The following ADAM10 variants were observed in gnomAD, a reference collection of about 807,000 sequenced individuals.
ADAM10 encodes the protein disintegrin and metalloproteinase domain-containing protein 10.
ADAM10 carries 17 observed loss-of-function variants against 90.1 expected under a neutral mutation model. The ratio of observed to expected loss-of-function variants is 0.19; its 90% CI spans 0.13 to 0.28. The LOEUF (loss-of-function observed/expected upper bound fraction) is 0.28. ADAM10 is among the 10% of genes least tolerant of loss of function. ADAM10 has a pLI of 1.00. For missense variants in ADAM10, 610 were observed against 914.3 expected, an observed-to-expected ratio of 0.67 and a Z score of 4.29; for synonymous variants, 310 against 298.6, an observed-to-expected ratio of 1.04 and a Z score of -0.40.
In ADAM10 at chr15:58,595,377, AGT is replaced by A. The variant is rs1894924124; in HGVS notation, c.*2168_*2169del. The A allele has an allele frequency of 6.6e-6, 1 of 152,190 alleles. No individual in the cohort carries two copies. The highest frequency in any genetic ancestry group is 1.5e-5 in the Non-Finnish European group (1 of 67,996). 9.4% of individuals were successfully genotyped at this position (152,190 alleles called of 1,614,324 possible). A position where few individuals can be genotyped will look rare whatever the true frequency, so the allele number is the denominator to read the frequency against. ...TTGTGATAGTTCTCAGAGTTCAAAG[AGT>A]ATAGAACCTTCAAGTTGATTTAATC... On this transcript the variant is annotated 3_prime_UTR_variant, in exon 16 of 16. Coordinates refer to ENST00000260408, the MANE Select transcript of ADAM10 (RefSeq NM_001110.4).
chr15:58,664,250 T>C (rs1332981846), intron 5 of ADAM10, among the ~76,000 whole-genome samples: 1 of 152,108 alleles, frequency 6.6e-6, no homozygotes, highest in African/African-American at 2.4e-5. Context: ...TATCATCCTA[T>C]ACTTAACCCT....
intron 11 of ADAM10, among the ~76,000 whole-genome samples, chr15:58,616,054 T>C (rs1332587087): frequency 6.6e-6 from 1 of 152,050 alleles, no homozygotes; most frequent in Admixed American, 6.6e-5. Context: ...TATATAGTGA[T>C]AAAATGTTCC....
At chr15:58,686,842 T>C (rs1260562473) in intron 2 of ADAM10, among the ~76,000 whole-genome samples, 2 of 152,186 alleles carry the variant, frequency 1.3e-5, no homozygotes, top group Non-Finnish European at 2.9e-5. Context: ...TGTTTTTTTG[T>C]GCAAGTACTT....
At chr15:58,722,868 G>A (rs1421511751) in intron 1 of ADAM10, among the ~76,000 whole-genome samples, 2 of 151,352 alleles carry the variant, frequency 1.3e-5, no homozygotes, top group African/African-American at 4.9e-5. Context: ...AGTAGCTCAG[G>A]CTACAGGCAC....
chr15:58,626,997 G>C (rs899760438), intron 10 of ADAM10, among the ~76,000 whole-genome samples: 1 of 152,068 alleles, frequency 6.6e-6, no homozygotes, highest in Admixed American at 6.6e-5. Context: ...ACTAAAATAA[G>C]AAATAATTTC....
intron 9 of ADAM10, among the ~76,000 whole-genome samples, chr15:58,631,310 G>A (rs2140671903): frequency 6.6e-6 from 1 of 152,296 alleles, no homozygotes; most frequent in South Asian, 2.1e-4. Context: ...ACAGATGGCA[G>A]AATTAACAAC....
chr15:58,729,166 T>C (rs977404518), intron 1 of ADAM10, among the ~76,000 whole-genome samples: 2 of 152,012 alleles, frequency 1.3e-5, no homozygotes, highest in Admixed American at 1.3e-4. Context: ...GAAACCAGCC[T>C]GGGCAACATA....
intron 2 of ADAM10, among the ~76,000 whole-genome samples, chr15:58,702,285 T>C (rs1350847886): frequency 5.3e-5 from 8 of 152,086 alleles, no homozygotes; most frequent in African/African-American, 1.7e-4. Context: ...TAGATACCAG[T>C]GGCTAGCAAG....
intron 8 of ADAM10, among the ~76,000 whole-genome samples, chr15:58,639,273 T>A (rs1180063462): frequency 6.6e-6 from 1 of 152,228 alleles, no homozygotes; most frequent in African/African-American, 2.4e-5. Flanking sequence ...GTAGTGCCTA[T>A]GAACTTATAT....
At chr15:58,721,639 C>A (rs1299548743) in intron 1 of ADAM10, among the ~76,000 whole-genome samples, 1 of 152,130 alleles carries the variant, frequency 6.6e-6, no homozygotes, top group Non-Finnish European at 1.5e-5. Flanking sequence ...AATCCCAATA[C>A]TTTGAGAGGC....
chr15:58,721,357 T>A (rs1252586658), intron 1 of ADAM10, among the ~76,000 whole-genome samples: 3 of 152,242 alleles, frequency 2.0e-5, no homozygotes, highest in African/African-American at 7.2e-5. Context: ...CTCATTATCA[T>A]CTTCTATATA....
At chr15:58,613,264 T>C (rs1189330206) in intron 11 of ADAM10, among the ~76,000 whole-genome samples, 2 of 152,144 alleles carry the variant, frequency 1.3e-5, no homozygotes, top group Non-Finnish European at 2.9e-5. Flanking sequence ...CACCACACCC[T>C]TCCCGACCAG....
intron 1 of ADAM10, 70 bp downstream of exon 1, chr15:58,749,410 G>A (rs1170979194): frequency 1.5e-5 from 21 of 1,429,796 alleles, no homozygotes; most frequent in Admixed American, 5.2e-5. Flanking sequence ...AGGCGCGACT[G>A]GGCTCCGCTC....
chr15:58,671,524 C>G (rs1037697796), intron 4 of ADAM10, among the ~76,000 whole-genome samples: 2 of 152,188 alleles, frequency 1.3e-5, no homozygotes, highest in Non-Finnish European at 2.9e-5. Flanking sequence ...GACATACACG[C>G]ACACATACTC....
At chr15:58,607,812 A>G (rs2140995048) in intron 14 of ADAM10, among the ~76,000 whole-genome samples, 1 of 152,354 alleles carries the variant, frequency 6.6e-6, no homozygotes, top group African/African-American at 2.4e-5. Flanking sequence ...AGTCAAGGTA[A>G]GAGGTAGTTT....
At chr15:58,710,581 T>A (rs576017287) in intron 2 of ADAM10, among the ~76,000 whole-genome samples, 3 of 152,262 alleles carry the variant, frequency 2.0e-5, no homozygotes, top group African/African-American at 7.2e-5. Context: ...AATACTGAGA[T>A]AAAAAGCAAT....
intron 2 of ADAM10, among the ~76,000 whole-genome samples, chr15:58,686,167 G>A (rs1424324146): frequency 6.6e-6 from 1 of 152,142 alleles, no homozygotes; most frequent in African/African-American, 2.4e-5. Context: ...CTCCACAAAG[G>A]TGGGCCCAAA....
intron 5 of ADAM10, among the ~76,000 whole-genome samples, chr15:58,656,156 T>C (rs1896824038): frequency 6.6e-6 from 1 of 152,214 alleles, no homozygotes; most frequent in Admixed American, 6.5e-5. Context: ...TCCGCTGGGA[T>C]GGAATATCTT....
chr15:58,705,427 T>C (rs1362843413), intron 2 of ADAM10, among the ~76,000 whole-genome samples: 1 of 152,150 alleles, frequency 6.6e-6, no homozygotes, highest in Non-Finnish European at 1.5e-5. Flanking sequence ...TGGAGTGAAG[T>C]TATAGGAGGA....
Sources: allele counts gnomAD v4.1 joint callset (sites outside exome capture counted in the v4.1 genomes callset), GRCh38; gene constraint gnomAD v4.1.1; transcripts MANE v1.5; gene names NCBI Gene and HGNC (gene_info 2026-07-23, HGNC 2026-07-21).